The following NRIP1 variants were observed in gnomAD, a reference collection of about 807,000 sequenced individuals.
The protein encoded by NRIP1 is nuclear receptor interacting protein 1.
Under a neutral mutation model 75.0 loss-of-function variants are expected in NRIP1, and 28 were observed. That is an observed-to-expected ratio of 0.37 (90% CI 0.28 to 0.51). The LOEUF is 0.51. Among genes scored for constraint, NRIP1 ranks in the 20% least tolerant of loss-of-function variants. The probability of loss-of-function intolerance (pLI) is 0.92; values close to 1 mark genes in which losing one functional copy is unlikely to be tolerated. For synonymous variants in NRIP1, 526 were observed against 487.6 expected, an observed-to-expected ratio of 1.08 and a Z score of -1.04; for missense variants, 1,435 against 1,343.7, an observed-to-expected ratio of 1.07 and a Z score of -1.06.
chr21:14,992,662 A>T (rs899952415), intron 3 of NRIP1: 2 of 152,170 alleles, frequency 1.3e-5, no homozygotes, highest in Non-Finnish European at 2.9e-5. Context: ...ACTCCTAGGA[A>T]GTGACACAAG....
At chr21:15,011,432 G>T (rs1187647536) in intron 3 of NRIP1, among the ~76,000 whole-genome samples, 1 of 152,022 alleles carries the variant, frequency 6.6e-6, no homozygotes, top group Non-Finnish European at 1.5e-5. Flanking sequence ...CTCGTGATCC[G>T]CCCGCCTCGG....
At chr21:14,979,794 G>A (rs865955812) in intron 3 of NRIP1, among the ~76,000 whole-genome samples, 12 of 152,102 alleles carry the variant, frequency 7.9e-5, no homozygotes, top group South Asian at 2.1e-4. Context: ...GATTACAGGT[G>A]TGAGCCACTG....
intron 2 of NRIP1, among the ~76,000 whole-genome samples, chr21:15,038,793 A>G (rs1193953042): frequency 6.6e-6 from 1 of 152,082 alleles, no homozygotes; most frequent in Non-Finnish European, 1.5e-5. Context: ...AATAAAAAAA[A>G]ATGTGTATCT....
At chr21:15,033,808 G>T (rs1053787500) in intron 2 of NRIP1, among the ~76,000 whole-genome samples, 2 of 152,196 alleles carry the variant, frequency 1.3e-5, no homozygotes, top group African/African-American at 4.8e-5. Context: ...ACTCAAGTCA[G>T]TGTGTTTCAC....
At chr21:14,979,904 T>C (rs989482851) in intron 3 of NRIP1, among the ~76,000 whole-genome samples, 3 of 152,146 alleles carry the variant, frequency 2.0e-5, no homozygotes, top group African/African-American at 7.2e-5. Context: ...CATTGCCATG[T>C]GACAATTTTA....
At chr21:15,048,100 G>A (rs2089125831) in intron 1 of NRIP1, among the ~76,000 whole-genome samples, 1 of 152,114 alleles carries the variant, frequency 6.6e-6, no homozygotes, top group Non-Finnish European at 1.5e-5. Context: ...CGGCTGATAT[G>A]GGCACAGTTC....
At chr21:14,973,549 G>A (rs1374329853) in intron 3 of NRIP1, among the ~76,000 whole-genome samples, 2 of 152,066 alleles carry the variant, frequency 1.3e-5, no homozygotes, top group Admixed American at 1.3e-4. Flanking sequence ...TTTTTATAGA[G>A]TGGTTCCATA....
intron 2 of NRIP1, among the ~76,000 whole-genome samples, chr21:15,039,083 C>CA (rs1187706900): frequency 6.6e-6 from 1 of 152,066 alleles, no homozygotes; most frequent in Non-Finnish European, 1.5e-5. Flanking sequence ...ATTGTGTGGT[C>CA]ACCAGGGTGG....
rs559158968 is a variant in NRIP1, at chr21:14,973,096, G to GAT, written c.-334-4571_-334-4570insAT. Among the ~76,000 whole-genome samples, 253 of 152,280 alleles carry GAT rather than the reference G, an allele frequency of 1.7e-3. 1 individual carries two copies. The highest frequency in any genetic ancestry group is 6.0e-3 in the African/African-American group (249 of 41,558). ...TGATTTCATTAGAGCTTGTGCATGT[G>GAT]TCTATTTAAAGTTATTAAACATTTG... On this transcript the variant is annotated intron_variant, in intron 3 of 3. Coordinates refer to ENST00000318948, the MANE Select transcript of NRIP1 (RefSeq NM_003489.4).
intron 2 of NRIP1, among the ~76,000 whole-genome samples, chr21:15,036,309 CAT>C (rs1347245246): frequency 2.0e-5 from 3 of 152,154 alleles, no homozygotes; most frequent in Non-Finnish European, 4.4e-5. Flanking sequence ...AATTGCACAT[CAT>C]ATTTTGTTAC....
At chr21:14,971,538 T>A (rs2086902642) in intron 3 of NRIP1, 1 of 152,210 alleles carries the variant, frequency 6.6e-6, no homozygotes, top group South Asian at 2.1e-4. Flanking sequence ...TAAAAAGGGA[T>A]GTGATAGACA....
chr21:14,982,467 G>C (rs2087264484), intron 3 of NRIP1, among the ~76,000 whole-genome samples: 1 of 152,032 alleles, frequency 6.6e-6, no homozygotes, highest in Non-Finnish European at 1.5e-5. Context: ...AGCCCCATTT[G>C]TTTACAGTCA....
intron 3 of NRIP1, among the ~76,000 whole-genome samples, chr21:14,997,024 G>A (rs370266947): frequency 2.0e-5 from 3 of 151,918 alleles, no homozygotes; most frequent in East Asian, 3.9e-4. Flanking sequence ...AAGGCATTTC[G>A]GATATTTCTC....
intron 3 of NRIP1, among the ~76,000 whole-genome samples, chr21:15,011,580 C>G (rs2044057845): frequency 6.6e-6 from 1 of 152,032 alleles, no homozygotes; most frequent in Admixed American, 6.6e-5. Context: ...CCATAGTTGT[C>G]AAAAATTTAA....
intron 3 of NRIP1, among the ~76,000 whole-genome samples, chr21:14,975,744 C>T (rs1382078884): frequency 6.6e-6 from 1 of 151,162 alleles, no homozygotes. Context: ...TTGCCTCATC[C>T]TTCTAGACAC....
intron 3 of NRIP1, among the ~76,000 whole-genome samples, chr21:14,974,951 A>AT (rs1480806577): frequency 6.6e-6 from 1 of 151,914 alleles, no homozygotes; most frequent in Non-Finnish European, 1.5e-5. Flanking sequence ...TTACAAAAAC[A>AT]TTAAAAAAAA....
intron 2 of NRIP1, among the ~76,000 whole-genome samples, chr21:15,023,466 T>A (rs1273320684): frequency 1.3e-5 from 2 of 152,156 alleles, no homozygotes; most frequent in Non-Finnish European, 2.9e-5. Flanking sequence ...TTAAAAAATA[T>A]CCAACAGCAA....
intron 3 of NRIP1, among the ~76,000 whole-genome samples, chr21:14,984,317 A>T (rs1454619442): frequency 6.6e-6 from 1 of 152,044 alleles, no homozygotes; most frequent in Non-Finnish European, 1.5e-5. Flanking sequence ...GATGTGGGTA[A>T]ATTTCTGTAA....
intron 3 of NRIP1, among the ~76,000 whole-genome samples, chr21:14,978,164 C>T (rs909387): frequency 0.19 from 29,642 of 152,178 alleles, 3,173 homozygotes; most frequent in Non-Finnish European, 0.24. Context: ...ATTAGAGACA[C>T]TCCTGCGGGA....
Sources: gnomAD v4.1 joint callset for allele counts (sites outside exome capture counted in the v4.1 genomes callset) on GRCh38, gnomAD v4.1.1 for gene constraint, MANE v1.5 for transcripts, NCBI Gene and HGNC (gene_info 2026-07-23, HGNC 2026-07-21) for gene names.